COMMD5: variants seen among roughly 807,000 people sequenced by gnomAD.
COMMD5 encodes the protein COMM domain containing 5.
Under a neutral mutation model 6.9 loss-of-function variants are expected in COMMD5, and 10 were observed. The ratio of observed to expected loss-of-function variants is 1.44; its 90% CI spans 0.89 to 2.45. The LOEUF (loss-of-function observed/expected upper bound fraction) is 2.45. Among genes scored for constraint, COMMD5 ranks in the 30% most tolerant of loss-of-function variants. The probability of loss-of-function intolerance (pLI) is 0.00; values close to 1 mark genes in which losing one functional copy is unlikely to be tolerated. For synonymous variants in COMMD5, 127 were observed against 125.3 expected (o/e 1.01, Z -0.09); for missense variants, 234 against 287.8 (o/e 0.81, Z 1.35).
chr8:144,844,735 AAC>A (rs1235762896), intron 1 of COMMD5, among the ~76,000 whole-genome samples: 12 of 148,654 alleles, frequency 8.1e-5, no homozygotes, highest in Non-Finnish European at 1.3e-4. Context: ...AAAAAAAAAA[AAC>A]GAAAATGGGA....
chr8:144,847,674 C>CA (rs1830579158), downstream of COMMD5, among the ~76,000 whole-genome samples: 1 of 152,220 alleles, frequency 6.6e-6, no homozygotes, highest in Non-Finnish European at 1.5e-5. Context: ...CAGCTTGACT[C>CA]AGAGCCCCAG....
chr8:144,846,283 T>A (rs115622592), downstream of COMMD5: 1 of 1,173,682 alleles, frequency 8.5e-7, no homozygotes, highest in African/African-American at 1.5e-5. Context: ...AGCACCTGGA[T>A]TCTCTCTGGA....
rs527579310 is a variant in COMMD5, at chr8:144,851,350, C to T, written c.-12G>A. 14 of 1,593,762 alleles carry T rather than the reference C, an allele frequency of 8.8e-6. No individual in the cohort carries two copies. The African/African-American group carries it at 1.1e-4, about 12-fold the overall frequency. On this transcript the variant is annotated 5_prime_UTR_variant, in exon 2 of 2. Coordinates refer to ENST00000305103, the MANE Select transcript of COMMD5 (RefSeq NM_014066.4). ...CCCACAGCAGACATTGCTGCTGCTT[C>T]CTCTTTGATCAGCCAGCCCAGGAGG...
chr8:144,842,699 G>A (rs1830104616), intron 1 of COMMD5: 1 of 1,614,058 alleles, frequency 6.2e-7, no homozygotes. Flanking sequence ...CTCCAATGCG[G>A]AAAAGCCTTC....
At chr8:144,847,562 C>G (rs991977353), downstream of COMMD5, 2 of 152,242 alleles carry the variant, frequency 1.3e-5, no homozygotes, top group Non-Finnish European at 2.9e-5. Context: ...ATTTATGACA[C>G]TGAATTGAAA....
rs747490236 is a variant in COMMD5 at position 144,851,036 on chromosome 8, G to T, written c.303C>A (p.Pro101=). 1.7e-5 allele frequency: 27 copies of T among 1,612,438 alleles called. No homozygotes were observed. Among genetic ancestry groups the T allele is most frequent in the Non-Finnish European group, 2.1e-5 (25 of 1,179,804 alleles). ...TGAAGGTGTCAGGCTTCAGGCTGGT[G>T]GGGGGCAGACGGAGGGCCTGCTGGA... ...TLLQQALRLP[P]TSLKPDTFRD... is the part of the protein sequence containing the mutation. Residue 101 remains proline, a synonymous_variant, in exon 2 of 2, where the codon CCC becomes CCA. Transcript: ENST00000305103.
chr8:144,841,281 G>T, exon 2 of COMMD5: 1 of 1,462,510 alleles, frequency 6.8e-7, no homozygotes, highest in Non-Finnish European at 9.2e-7. Flanking sequence ...TTGAGCCCTG[G>T]CCCCCGCATT....
At chr8:144,848,368 A>T (rs1008142035), downstream of COMMD5, among the ~76,000 whole-genome samples, 7 of 152,040 alleles carry the variant, frequency 4.6e-5, no homozygotes, top group Non-Finnish European at 8.8e-5. Flanking sequence ...TCGGTGGCTC[A>T]TGCCTGTAAT....
rs905351504 is a variant in COMMD5, at chr8:144,850,580, G to A, written c.*84C>T. The stretch of plus-strand genomic sequence containing the variant: ...CCTGCCTCATGGGAAGGGCAGGGCT[G>A]TCGTGGGAAGAGTCAGCTGCACTTT... On this transcript the variant is annotated 3_prime_UTR_variant, in exon 2 of 2. Coordinates refer to ENST00000305103, the MANE Select transcript of COMMD5 (RefSeq NM_014066.4). This position sits in a 1 kb window ranked among gnomAD's most constrained non-coding sequence, Gnocchi z 4.0. 7.0e-5 allele frequency: 101 copies of A among 1,444,678 alleles called. No individual in the cohort carries two copies. The highest frequency in any genetic ancestry group is 8.8e-5 in the Non-Finnish European group (93 of 1,060,400). 89.5% of individuals were successfully genotyped at this position (1,444,678 alleles called of 1,614,324 possible). A position where few individuals can be genotyped will look rare whatever the true frequency, so the allele number is the denominator to read the frequency against.
downstream of COMMD5, among the ~76,000 whole-genome samples, chr8:144,848,937 C>T (rs1830624079): frequency 6.6e-6 from 1 of 152,164 alleles, no homozygotes; most frequent in Non-Finnish European, 1.5e-5. Flanking sequence ...TCTTGATTTG[C>T]CTGGGTCCCC....
chr8:144,851,276 T>G lies in COMMD5; in HGVS notation c.63A>C (p.Arg21=). 1 of 1,613,948 alleles carries G rather than the reference T, an allele frequency of 6.2e-7. No homozygotes were observed. The highest frequency in any genetic ancestry group is 8.5e-7 in the Non-Finnish European group (1 of 1,180,002). ...LHHPGDSHSG[R]VSFLGAQLPP... ...GAAGCTGGGCCCCCAAGAAACTCACTCGGCCACTGTGACTATCACCAGGAT... is the reference window on the plus strand; with the variant it reads ...GAAGCTGGGCCCCCAAGAAACTCACGCGGCCACTGTGACTATCACCAGGAT... The change falls in exon 2 of 2, where the codon CGA becomes CGC. Residue 21 remains arginine (R), a synonymous_variant. Transcript: ENST00000305103.
At chr8:144,850,018 A>G (rs1209888), downstream of COMMD5, 71,714 of 151,980 alleles carry the variant, frequency 0.47, 17,997 homozygotes, top group African/African-American at 0.65. This position sits in a 1 kb window ranked among gnomAD's most constrained non-coding sequence, Gnocchi z 4.0. Flanking sequence ...TGGCCGCCTG[A>G]GCCCCGTCCT....
At chr8:144,843,452 G>A (rs958887421) in intron 1 of COMMD5, 4 of 252,414 alleles carry the variant, frequency 1.6e-5, no homozygotes, top group South Asian at 1.8e-4. Flanking sequence ...GCTGGGCGTG[G>A]TGGCAGGCAC....
downstream of COMMD5, chr8:144,846,106 A>G: frequency 4.6e-6 from 7 of 1,535,912 alleles, no homozygotes; most frequent in Non-Finnish European, 6.1e-6. Context: ...GGCTCTCGTC[A>G]TCTCCTCTTG....
At chr8:144,848,015 T>C (rs1483174295), downstream of COMMD5, among the ~76,000 whole-genome samples, 4 of 151,716 alleles carry the variant, frequency 2.6e-5, no homozygotes, top group Non-Finnish European at 5.9e-5. Flanking sequence ...CTAAGAATGG[T>C]TTTTCAATGG....
downstream of COMMD5, among the ~76,000 whole-genome samples, chr8:144,840,549 C>G (rs1829753527): frequency 6.6e-6 from 1 of 152,158 alleles, no homozygotes; most frequent in East Asian, 1.9e-4. Context: ...ATGGTTTGAT[C>G]ACAGACATCA....
rs1830689888 is a variant in COMMD5, at chr8:144,850,626, T to C, written c.*38A>G. The C allele has an allele frequency of 1.9e-6, 3 of 1,585,834 alleles. No homozygotes were observed. Among genetic ancestry groups the C allele is most frequent in the Non-Finnish European group, 2.6e-6 (3 of 1,162,324 alleles). On this transcript the variant is annotated 3_prime_UTR_variant, in exon 2 of 2. Coordinates refer to ENST00000305103, the MANE Select transcript of COMMD5 (RefSeq NM_014066.4). This position sits in a 1 kb window ranked among gnomAD's most constrained non-coding sequence, Gnocchi z 4.0. ...ACTTTGGCACCATCTCAGGTGCCTG[T>C]CCAAGCCGGATCTGAATGGGACTGG...
At chr8:144,849,381 A>G (rs543777174), downstream of COMMD5, among the ~76,000 whole-genome samples, 4 of 152,250 alleles carry the variant, frequency 2.6e-5, no homozygotes, top group South Asian at 8.3e-4. Context: ...CCCAGAGTCT[A>G]CTGACCCCAC....
downstream of COMMD5, chr8:144,837,984 C>T (rs1051470318): frequency 4.4e-6 from 3 of 681,642 alleles, no homozygotes; most frequent in African/African-American, 5.3e-5. Flanking sequence ...AAGCTTAAAA[C>T]AACAGAAATT....
Sources: gnomAD v4.1 joint callset for allele counts (sites outside exome capture counted in the v4.1 genomes callset) on GRCh38, gnomAD v4.1.1 for gene constraint, Gnocchi (gnomAD v3.1) non-coding constraint, MANE v1.5 for transcripts, NCBI Gene and HGNC (gene_info 2026-07-23, HGNC 2026-07-21) for gene names.